Variants in FOXN3 observed in about 807,000 individuals in gnomAD.
FOXN3 encodes forkhead box N3, also known as forkhead box protein N3.
A neutral mutation model predicts 38.4 loss-of-function variants in FOXN3; 7 were observed. That is an observed-to-expected ratio of 0.18 (90% CI 0.10 to 0.34). The LOEUF (loss-of-function observed/expected upper bound fraction) is 0.34. Ranked by LOEUF, FOXN3 falls within the 10% of genes least tolerant of loss-of-function variation. FOXN3 has a pLI of 1.00. For missense variants in FOXN3, 456 were observed against 613.4 expected (o/e 0.74, Z 2.71); for synonymous variants, 230 against 242.2 (o/e 0.95, Z 0.47).
At chr14:89,582,282 T>G (rs1345093660) in intron 1 of FOXN3, among the ~76,000 whole-genome samples, 2 of 152,162 alleles carry the variant, frequency 1.3e-5, no homozygotes, top group Admixed American at 6.5e-5. Context: ...CAAACTCATG[T>G]CCAAAATGAA....
At chr14:89,404,953 A>G (rs1891348869) in intron 2 of FOXN3, among the ~76,000 whole-genome samples, 1 of 152,182 alleles carries the variant, frequency 6.6e-6, no homozygotes, top group Admixed American at 6.5e-5. Context: ...TATCCAAAAA[A>G]ATAATAATAA....
intron 3 of FOXN3, among the ~76,000 whole-genome samples, chr14:89,307,053 T>C (rs1887400007): frequency 6.6e-6 from 1 of 152,206 alleles, no homozygotes; most frequent in African/African-American, 2.4e-5. Flanking sequence ...AAATTGATTT[T>C]GGATTAACTT....
Position 89,309,461 on chromosome 14 carries a change from A to G in FOXN3, c.681-28447T>C, listed in dbSNP as rs182194619. ...TGGTATTAGAATTAAAAATTTATAA[A>G]CAAGAAAATGGGGGAAGCAGATTTC... is the stretch of plus-strand genomic sequence containing the variant. On this transcript the variant is annotated intron_variant, in intron 3 of 5. Coordinates refer to ENST00000557258, the MANE Select transcript of FOXN3 (RefSeq NM_005197.4). Among the ~76,000 whole-genome samples the G allele has an allele frequency of 4.6e-5, 7 of 152,298 alleles. No homozygotes were observed. The East Asian group carries it at 1.4e-3, about 29-fold the overall frequency.
chr14:89,375,777 TA>T (rs945241208), intron 2 of FOXN3, among the ~76,000 whole-genome samples: 3 of 152,348 alleles, frequency 2.0e-5, no homozygotes, highest in South Asian at 4.1e-4. Flanking sequence ...TATTTTATTT[TA>T]TTTTTTTTGA....
At chr14:89,259,608 G>A (rs746933456) in intron 4 of FOXN3, among the ~76,000 whole-genome samples, 1 of 152,114 alleles carries the variant, frequency 6.6e-6, no homozygotes, top group Non-Finnish European at 1.5e-5. Context: ...CAGCACTTTT[G>A]TAGGCCATTG....
chr14:89,345,824 G>A (rs1204359398), intron 3 of FOXN3, among the ~76,000 whole-genome samples: 1 of 152,236 alleles, frequency 6.6e-6, no homozygotes, highest in Non-Finnish European at 1.5e-5. Context: ...GGAGACCGAG[G>A]TGGTGGATCA....
rs72014136 is a variant in FOXN3, at chr14:89,335,077, TCACA to T, written c.680+15591_680+15594del. Among the ~76,000 whole-genome samples the T allele has an allele frequency of 7.4e-3, 1,034 of 139,394 alleles. 9 individuals are homozygous for T. The highest frequency in any genetic ancestry group is 0.018 in the African/African-American group (685 of 38,420). 91.4% of individuals were successfully genotyped at this position (139,394 alleles called of 152,430 possible). A position where few individuals can be genotyped will look rare whatever the true frequency, so the allele number is the denominator to read the frequency against. ...AGAGTAGAACTTAACTATTTTCATATCACACACACACACACACACACACACACAC... is the reference window on the plus strand; with the variant it reads ...AGAGTAGAACTTAACTATTTTCATATCACACACACACACACACACACACAC... On this transcript the variant is annotated intron_variant, in intron 3 of 5. Transcript: ENST00000557258.
In FOXN3 at chr14:89,538,853, T is replaced by C. The variant is rs1265060599; in HGVS notation, c.-15+80175A>G. On this transcript the variant is annotated intron_variant, in intron 1 of 6. Coordinates refer to the FOXN3 transcript ENST00000345097. ...TATTATTTATTTATTTATCTATTTA[T>C]TTATTTTTGAGACGGAGTCTCACTC... is the stretch of plus-strand genomic sequence containing the variant. Among the ~76,000 whole-genome samples the C allele has an allele frequency of 1.8e-4, 27 of 152,044 alleles. 1 individual carries two copies.
intron 3 of FOXN3, chr14:89,349,533 C>T (rs1888885501): frequency 6.6e-6 from 1 of 152,666 alleles, no homozygotes; most frequent in African/African-American, 2.4e-5. Context: ...GATGCAACTG[C>T]ACCTGTCTCG....
At chr14:89,165,785 A>T (rs1425091906) in intron 5 of FOXN3, among the ~76,000 whole-genome samples, 2 of 152,244 alleles carry the variant, frequency 1.3e-5, no homozygotes, top group East Asian at 3.8e-4. Context: ...CATTTGAGGG[A>T]ACTACTGTAA....
At chr14:89,441,583 G>C (rs1244779982) in intron 1 of FOXN3, among the ~76,000 whole-genome samples, 1 of 152,170 alleles carries the variant, frequency 6.6e-6, no homozygotes, top group Non-Finnish European at 1.5e-5. Flanking sequence ...CACCCTACTA[G>C]CTGGAACAGA....
At chr14:89,406,139 G>C (rs1566643467) in intron 2 of FOXN3, among the ~76,000 whole-genome samples, 1 of 152,022 alleles carries the variant, frequency 6.6e-6, no homozygotes, top group Non-Finnish European at 1.5e-5. Flanking sequence ...CAGAGATGCA[G>C]TTTCATCATG....
At chr14:89,311,531 A>G (rs1887547860) in intron 3 of FOXN3, among the ~76,000 whole-genome samples, 1 of 150,964 alleles carries the variant, frequency 6.6e-6, no homozygotes, top group Non-Finnish European at 1.5e-5. Context: ...ACTAGCATAA[A>G]ACTAGATACC....
chr14:89,211,974 G>A (rs184008321), intron 4 of FOXN3, among the ~76,000 whole-genome samples: 140 of 152,206 alleles, frequency 9.2e-4, no homozygotes, highest in African/African-American at 3.0e-3. Context: ...GATGGGATTC[G>A]TGGCCCTATA....
chr14:89,420,107 T>A (rs994598727), upstream of FOXN3, among the ~76,000 whole-genome samples: 6 of 152,158 alleles, frequency 3.9e-5, no homozygotes, highest in African/African-American at 1.4e-4. Flanking sequence ...GTGACTCCAC[T>A]CTCTACCCTG....
At chr14:89,441,264 C>A (rs1281463898) in intron 1 of FOXN3, among the ~76,000 whole-genome samples, 2 of 152,144 alleles carry the variant, frequency 1.3e-5, no homozygotes, top group Non-Finnish European at 1.5e-5. Flanking sequence ...GAAGAACTCC[C>A]CAACGACTCC....
chr14:89,411,918 A>C lies in FOXN3; in HGVS notation c.543+16T>G, dbSNP rs1169838948. 7.4e-7 allele frequency: 1 copy of C among 1,356,208 alleles called. No homozygotes were observed. The highest frequency in any genetic ancestry group is 2.6e-5 in the East Asian group (1 of 38,952). 84.0% of individuals were successfully genotyped at this position (1,356,208 alleles called of 1,614,324 possible). ...AAAAAAAAAGAAAACCTTGGGTTCCAGACACAGAGGCTTACCTGACTCCTC... is the reference window on the plus strand; with the variant it reads ...AAAAAAAAAGAAAACCTTGGGTTCCCGACACAGAGGCTTACCTGACTCCTC... On this transcript the variant is annotated intron_variant, in intron 2 of 5. Coordinates refer to ENST00000557258, the MANE Select transcript of FOXN3 (RefSeq NM_005197.4).
intron 1 of FOXN3, among the ~76,000 whole-genome samples, chr14:89,553,051 C>G (rs2139865896): frequency 6.6e-6 from 1 of 150,884 alleles, no homozygotes; most frequent in East Asian, 2.0e-4. Flanking sequence ...CAAGCCTGTG[C>G]AAAATGGCGA....
chr14:89,293,027 G>A (rs368010813), intron 3 of FOXN3, among the ~76,000 whole-genome samples: 214 of 152,230 alleles, frequency 1.4e-3, no homozygotes, highest in Middle Eastern at 3.4e-3. Context: ...GTCCATGCTC[G>A]GCCCCACCAT....
Sources: gnomAD v4.1 joint callset for allele counts (sites outside exome capture counted in the v4.1 genomes callset) on GRCh38, gnomAD v4.1.1 for gene constraint, MANE v1.5 for transcripts, NCBI Gene and HGNC (gene_info 2026-07-23, HGNC 2026-07-21) for gene names.